The following SLC35F3 variants were observed in gnomAD, a reference collection of about 807,000 sequenced individuals.
SLC35F3 encodes putative thiamine transporter SLC35F3.
A neutral mutation model predicts 49.9 loss-of-function variants in SLC35F3; 25 were observed. The observed-to-expected ratio is 0.50, with a 90% CI of 0.37 to 0.70. The LOEUF (loss-of-function observed/expected upper bound fraction) is 0.70. Among genes scored for constraint, SLC35F3 ranks in the 30% least tolerant of loss-of-function variants. SLC35F3 has a pLI of 0.00. For missense variants in SLC35F3, 525 were observed against 639.8 expected (o/e 0.82, Z 1.94); for synonymous variants, 275 against 265.4 (o/e 1.04, Z -0.35).
chr1:234,124,248 C>T (rs536099720), intron 2 of SLC35F3, among the ~76,000 whole-genome samples: 7 of 152,330 alleles, frequency 4.6e-5, no homozygotes, highest in East Asian at 3.9e-4. Context: ...CTAGGTAACT[C>T]GGTCCTGTTA....
At chr1:234,080,618 T>C (rs1400803787) in intron 2 of SLC35F3, among the ~76,000 whole-genome samples, 2 of 152,198 alleles carry the variant, frequency 1.3e-5, no homozygotes, top group Admixed American at 1.3e-4. Context: ...TCAACATGGA[T>C]GAATCCTGAA....
intron 2 of SLC35F3, among the ~76,000 whole-genome samples, chr1:233,976,385 G>C (rs1558194620): frequency 6.6e-6 from 1 of 152,140 alleles, no homozygotes; most frequent in African/African-American, 2.4e-5. Flanking sequence ...TTACGCAAAA[G>C]TAGGGAGCAG....
chr1:234,249,932 A>G (rs965318876), intron 3 of SLC35F3, among the ~76,000 whole-genome samples: 6 of 152,252 alleles, frequency 3.9e-5, no homozygotes, highest in Admixed American at 2.0e-4. Flanking sequence ...TTTTGACTGC[A>G]GAACTCCTTA....
intron 2 of SLC35F3, among the ~76,000 whole-genome samples, chr1:233,934,150 G>C (rs1053289690): frequency 1.3e-5 from 2 of 152,110 alleles, no homozygotes; most frequent in African/African-American, 2.4e-5. Flanking sequence ...ATGTCTTTAG[G>C]TTCAGAAGTA....
Position 234,043,019 on chromosome 1 carries a change from C to T in SLC35F3, c.283+137261C>T, listed in dbSNP as rs929635977. ...ATGTCTTTTTATTATGAACTAAATACATTAAAAGGTACAAATGTATGATGT... is the reference window on the plus strand; with the variant it reads ...ATGTCTTTTTATTATGAACTAAATATATTAAAAGGTACAAATGTATGATGT... On this transcript the variant is annotated intron_variant, in intron 2 of 7. Transcript: ENST00000366618. Among the ~76,000 whole-genome samples the T allele has an allele frequency of 9.2e-5, 14 of 152,294 alleles. No homozygotes were observed. In the South Asian group the frequency reaches 2.9e-3, roughly 32 times the overall value.
At chr1:234,211,512 A>AT (rs1236105638) in intron 2 of SLC35F3, among the ~76,000 whole-genome samples, 4 of 152,144 alleles carry the variant, frequency 2.6e-5, no homozygotes, top group Admixed American at 6.5e-5. Context: ...CCCCCCTTAC[A>AT]TTGGTGTGAC....
chr1:234,215,562 G>A (rs995484480), intron 2 of SLC35F3, among the ~76,000 whole-genome samples: 1 of 152,212 alleles, frequency 6.6e-6, no homozygotes, highest in Non-Finnish European at 1.5e-5. Context: ...GAGCCCATGA[G>A]CATCAGCGGT....
intron 3 of SLC35F3, chr1:234,284,984 C>T (rs534491408): frequency 6.6e-5 from 11 of 167,392 alleles, no homozygotes; most frequent in South Asian, 3.3e-4. Context: ...GAAGACCATT[C>T]GCAGAAATCA....
chr1:234,007,040 A>G (rs4084672), intron 2 of SLC35F3, among the ~76,000 whole-genome samples: 49,123 of 152,060 alleles, frequency 0.32, 9,467 homozygotes, highest in Non-Finnish European at 0.44. Context: ...CGAAACAGCC[A>G]TTGATAACTG....
intron 2 of SLC35F3, among the ~76,000 whole-genome samples, chr1:234,042,556 A>G (rs1309696891): frequency 6.6e-6 from 1 of 152,220 alleles, no homozygotes; most frequent in Non-Finnish European, 1.5e-5. Flanking sequence ...AACATCAGTT[A>G]AAGAGCATGC....
chr1:234,293,751 T>C (rs1256919757), intron 3 of SLC35F3, among the ~76,000 whole-genome samples: 1 of 152,212 alleles, frequency 6.6e-6, no homozygotes, highest in African/African-American at 2.4e-5. Context: ...AGCTTTCCAA[T>C]TAATAGAAAT....
chr1:234,300,483 A>G (rs1668676209), intron 3 of SLC35F3, among the ~76,000 whole-genome samples: 1 of 152,270 alleles, frequency 6.6e-6, no homozygotes, highest in South Asian at 2.1e-4. Context: ...TTATTTGTAA[A>G]CATGTATTAT....
chr1:234,038,837 G>T (rs191995661), intron 2 of SLC35F3, among the ~76,000 whole-genome samples: 17 of 152,276 alleles, frequency 1.1e-4, no homozygotes, highest in Admixed American at 9.8e-4. Flanking sequence ...CATCACTGAA[G>T]ATAACACCCA....
chr1:234,163,933 A>C (rs1666271372), intron 2 of SLC35F3, among the ~76,000 whole-genome samples: 1 of 152,156 alleles, frequency 6.6e-6, no homozygotes, highest in Admixed American at 6.5e-5. Flanking sequence ...CAGATTTCTT[A>C]TCCCAATTTC....
chr1:233,905,422 C>A (rs1240303978), intron 1 of SLC35F3, 107 bp from the exon 2 acceptor site: 3 of 898,266 alleles, frequency 3.3e-6, no homozygotes, highest in Admixed American at 2.7e-5. Context: ...CCGGAGGGCC[C>A]CGGCCGCGCT....
chr1:234,273,922 T>G (rs1210633623), intron 3 of SLC35F3, among the ~76,000 whole-genome samples: 2 of 152,152 alleles, frequency 1.3e-5, no homozygotes, highest in African/African-American at 4.8e-5. Context: ...GACCGCATAC[T>G]CATTACATGC....
intron 2 of SLC35F3, among the ~76,000 whole-genome samples, chr1:234,096,483 A>G (rs543658883): frequency 6.6e-6 from 1 of 152,322 alleles, no homozygotes; most frequent in East Asian, 1.9e-4. Flanking sequence ...TATCACATGT[A>G]TAGCTACAAA....
intron 2 of SLC35F3, among the ~76,000 whole-genome samples, chr1:234,191,685 T>C (rs1319879626): frequency 6.6e-6 from 1 of 151,134 alleles, no homozygotes; most frequent in African/African-American, 2.4e-5. Context: ...AAAAGATAAA[T>C]AAAATTGATA....
chr1:234,074,579 C>A (rs1664766850), intron 2 of SLC35F3, among the ~76,000 whole-genome samples: 1 of 152,066 alleles, frequency 6.6e-6, no homozygotes, highest in African/African-American at 2.4e-5. Context: ...CCCAGGGGGC[C>A]CAGTCAGAAA....
Sources: allele counts gnomAD v4.1 joint callset (sites outside exome capture counted in the v4.1 genomes callset), GRCh38; gene constraint gnomAD v4.1.1; transcripts MANE v1.5; gene names NCBI Gene and HGNC (gene_info 2026-07-23, HGNC 2026-07-21).